The following RPAP2 variants were observed in gnomAD, a reference collection of about 807,000 sequenced individuals.
RPAP2 encodes the protein RNA polymerase II associated protein 2.
Under a neutral mutation model 73.1 loss-of-function variants are expected in RPAP2, and 52 were observed. That is an observed-to-expected ratio of 0.71 (90% CI 0.57 to 0.90). The LOEUF (loss-of-function observed/expected upper bound fraction) is 0.90, where lower values mean the gene tolerates loss of function less well. Among genes scored for constraint, RPAP2 ranks in the 40% least tolerant of loss-of-function variants. The probability of loss-of-function intolerance (pLI) is 0.00; values close to 1 mark genes in which losing one functional copy is unlikely to be tolerated. For missense variants in RPAP2, 598 were observed against 701.8 expected, an observed-to-expected ratio of 0.85 and a Z score of 1.67; for synonymous variants, 225 against 242.1, an observed-to-expected ratio of 0.93 and a Z score of 0.65.
chr1:92,373,027 A>G (rs1291105203), intron 11 of RPAP2, among the ~76,000 whole-genome samples: 1 of 152,278 alleles, frequency 6.6e-6, no homozygotes, highest in Non-Finnish European at 1.5e-5. Flanking sequence ...TTGATGATCT[A>G]CAGTGTAACA....
intron 11 of RPAP2, among the ~76,000 whole-genome samples, chr1:92,376,154 T>C (rs1313012785): frequency 2.0e-5 from 3 of 152,106 alleles, no homozygotes; most frequent in African/African-American, 7.2e-5. Context: ...ATAAGTAATG[T>C]AGAAATGATT....
At chr1:92,347,386 C>T (rs1008788972) in intron 11 of RPAP2, among the ~76,000 whole-genome samples, 1 of 152,154 alleles carries the variant, frequency 6.6e-6, no homozygotes, top group Non-Finnish European at 1.5e-5. Flanking sequence ...CACTTATAGA[C>T]AACTGTCTAA....
intron 6 of RPAP2, among the ~76,000 whole-genome samples, chr1:92,315,527 TA>T (rs1412369581): frequency 2.0e-5 from 3 of 152,170 alleles, no homozygotes; most frequent in African/African-American, 7.2e-5. Flanking sequence ...CAAAGCGCAG[TA>T]AAGGAAAGCA....
chr1:92,309,477 A>G (rs1304314453), intron 6 of RPAP2, among the ~76,000 whole-genome samples: 1 of 152,168 alleles, frequency 6.6e-6, no homozygotes, highest in African/African-American at 2.4e-5. Context: ...TCTAATCTAA[A>G]TGAATCAACT....
chr1:92,341,843 C>G (rs1041136229), intron 10 of RPAP2, among the ~76,000 whole-genome samples: 1 of 152,202 alleles, frequency 6.6e-6, no homozygotes, highest in Non-Finnish European at 1.5e-5. Context: ...CAGGGTTTCA[C>G]CATGTTGGCC....
intron 6 of RPAP2, among the ~76,000 whole-genome samples, chr1:92,310,929 T>G (rs918744983): frequency 6.6e-6 from 1 of 152,208 alleles, no homozygotes; most frequent in African/African-American, 2.4e-5. Context: ...ATTAGATATC[T>G]TATTGAAATG....
At position 92,380,793 on chromosome 1, in the gene RPAP2, C is replaced by G. The variant is rs1466052935; in HGVS notation, c.1758C>G (p.Thr586=). Residue 586 remains threonine (T), a synonymous_variant, in exon 12 of 13, where the codon ACC becomes ACG. Transcript: ENST00000610020. Reference sequence around the variant, plus strand: ...TGGTGTTTACACGGTTTCTAGACACCCTCCTTGAAGAATTACATCTAAAAA... The same window carrying G: ...TGGTGTTTACACGGTTTCTAGACACGCTCCTTGAAGAATTACATCTAAAAA... The part of the protein sequence containing the change: ...EGMVFTRFLD[T]LLEELHLKNE... The G allele has an allele frequency of 1.9e-6, 3 of 1,606,816 alleles. No individual in the cohort carries two copies.
intron 11 of RPAP2, among the ~76,000 whole-genome samples, chr1:92,360,404 A>C (rs565675112): frequency 6.6e-6 from 1 of 152,300 alleles, no homozygotes; most frequent in East Asian, 1.9e-4. Context: ...AGACGGAGCA[A>C]ATGCCGACTA....
chr1:92,378,517 C>T (rs1655487291), intron 11 of RPAP2, among the ~76,000 whole-genome samples: 1 of 152,082 alleles, frequency 6.6e-6, no homozygotes, highest in Non-Finnish European at 1.5e-5. Context: ...CCGGCCAGTA[C>T]CACTTTAAAT....
intron 11 of RPAP2, among the ~76,000 whole-genome samples, chr1:92,377,077 C>T (rs1655410287): frequency 6.6e-6 from 1 of 152,238 alleles, no homozygotes; most frequent in Non-Finnish European, 1.5e-5. Flanking sequence ...ATAAAAAGAG[C>T]TATTCCTCTA....
At chr1:92,371,295 T>C (rs1655135623) in intron 11 of RPAP2, among the ~76,000 whole-genome samples, 1 of 120,728 alleles carries the variant, frequency 8.3e-6, no homozygotes, top group Admixed American at 1.0e-4. Context: ...ATAGAGTGAG[T>C]CTCTGTCTCA....
intron 8 of RPAP2, among the ~76,000 whole-genome samples, chr1:92,325,532 C>T (rs991786861): frequency 1.3e-5 from 2 of 151,990 alleles, no homozygotes; most frequent in African/African-American, 4.8e-5. Context: ...AAAAAATAAT[C>T]CCTGAAATTT....
rs753051228 is a variant in RPAP2 at position 92,345,860 on chromosome 1, ATAT to A, written c.1638_1640del (p.Ile547del). On this transcript the variant is annotated inframe_deletion, in exon 11 of 13. Coordinates refer to ENST00000610020, the MANE Select transcript of RPAP2 (RefSeq NM_024813.3). ...CTATCTTTCAGGTTAACAAATAGAA[ATAT>A]TATACACAAACCTGCGGAATGGACT... The A allele has an allele frequency of 6.3e-7, 1 of 1,594,088 alleles. No individual in the cohort carries two copies. Among genetic ancestry groups the A allele is most frequent in the South Asian group, 1.1e-5 (1 of 89,812 alleles).
chr1:92,364,616 C>T (rs1458882320), intron 11 of RPAP2, among the ~76,000 whole-genome samples: 1 of 152,062 alleles, frequency 6.6e-6, no homozygotes, highest in Non-Finnish European at 1.5e-5. Flanking sequence ...GCATTGGTAT[C>T]CTCCTAATTA....
In RPAP2 at chr1:92,392,242, T is replaced by C. The variant is rs1297142136; in HGVS notation, c.*5231T>C. The C allele has an allele frequency of 1.3e-5, 2 of 152,164 alleles. No individual in the cohort carries two copies. The highest frequency in any genetic ancestry group is 4.8e-5 in the African/African-American group (2 of 41,426). The allele number at this position is 152,164 out of a possible 1,614,324, so 9.4% of individuals were successfully genotyped here. A position where few individuals can be genotyped will look rare whatever the true frequency, so the allele number is the denominator to read the frequency against. ...GGCTGGTTCAACATATGCAAATCAA[T>C]AAACATAATCCATCACATAAACAGA... On this transcript the variant is annotated 3_prime_UTR_variant, in exon 13 of 13. Transcript: ENST00000610020.
intron 3 of RPAP2, among the ~76,000 whole-genome samples, chr1:92,302,590 A>ATTTTTTTTTTTTTTTTTTTT (rs36067595): frequency 1.3e-5 from 1 of 74,316 alleles, no homozygotes; most frequent in Non-Finnish European, 2.3e-5. Flanking sequence ...TCCGCATTAA[A>ATTTTTTTTTTTTTTTTTTTT]TTTTTTTTTT....
chr1:92,299,724 G>A (rs1650662730), intron 1 of RPAP2, among the ~76,000 whole-genome samples: 1 of 152,154 alleles, frequency 6.6e-6, no homozygotes, highest in Admixed American at 6.5e-5. Context: ...AAAACAAATT[G>A]CTCTCCCTTC....
intron 11 of RPAP2, among the ~76,000 whole-genome samples, chr1:92,372,598 G>A (rs984453679): frequency 6.6e-6 from 1 of 152,114 alleles, no homozygotes; most frequent in Non-Finnish European, 1.5e-5. Flanking sequence ...TGAAGAAAAT[G>A]TTTCCTCCAT....
chr1:92,324,425 C>G (rs1652507658), intron 8 of RPAP2, 50 bp downstream of exon 8: 1 of 1,322,786 alleles, frequency 7.6e-7, no homozygotes, highest in South Asian at 1.3e-5. Flanking sequence ...ATTTGGAAAA[C>G]TCACCACAGC....
Sources: gnomAD v4.1 joint callset for allele counts (sites outside exome capture counted in the v4.1 genomes callset) on GRCh38, gnomAD v4.1.1 for gene constraint, MANE v1.5 for transcripts, NCBI Gene and HGNC (gene_info 2026-07-23, HGNC 2026-07-21) for gene names.